The following EHBP1 variants were observed in gnomAD, a reference collection of about 807,000 sequenced individuals.
EHBP1 encodes the protein EH domain-binding protein 1.
A neutral mutation model predicts 144.0 loss-of-function variants in EHBP1; 55 were observed. The ratio of observed to expected loss-of-function variants is 0.38; its 90% CI spans 0.31 to 0.48. The LOEUF (loss-of-function observed/expected upper bound fraction) is 0.48. Ranked by LOEUF, EHBP1 falls within the 20% of genes least tolerant of loss-of-function variation. The probability of loss-of-function intolerance (pLI) is 0.98; values close to 1 mark genes in which losing one functional copy is unlikely to be tolerated. For missense variants in EHBP1, 1,200 were observed against 1,364.2 expected (o/e 0.88, Z 1.90); for synonymous variants, 469 against 472.7 (o/e 0.99, Z 0.10).
intron 14 of EHBP1, among the ~76,000 whole-genome samples, chr2:62,966,716 T>C (rs915797831): frequency 1.3e-5 from 2 of 152,210 alleles, no homozygotes; most frequent in African/African-American, 4.8e-5. Flanking sequence ...TAATAGGAAC[T>C]ATCATTTCCC....
chr2:62,790,845 T>C lies in EHBP1; in HGVS notation c.312+19453T>C. On this transcript the variant is annotated intron_variant, in intron 5 of 22. Transcript: ENST00000431489. Reference sequence around the variant, plus strand: ...ACAACCCTATTCAATTATTGTCTCTTGTGTTTTATCTTGAAAGCATTGCTT... The same window carrying C: ...ACAACCCTATTCAATTATTGTCTCTCGTGTTTTATCTTGAAAGCATTGCTT... Among the ~76,000 whole-genome samples, 2 of 152,092 alleles carry C rather than the reference T, an allele frequency of 1.3e-5. 1 individual carries two copies. The highest frequency in any genetic ancestry group is 2.9e-5 in the Non-Finnish European group (2 of 67,922).
rs1171760462 is a variant in EHBP1, at chr2:62,681,340, G to GTGTATATATATATATA, written c.-296+7258_-296+7259insGTATATATATATATAT. On this transcript the variant is annotated intron_variant, in intron 1 of 22. Coordinates refer to the EHBP1 transcript ENST00000405015. ...TATATATTTGTATGTATGTGTGTGT[G>GTGTATATATATATATA]TATATATATATATATATATAATGTG... 2.0e-3 allele frequency among the ~76,000 whole-genome samples: 116 copies of GTGTATATATATATATA among 58,546 alleles called. 3 individuals carry two copies. In the South Asian group the frequency reaches 0.02, roughly 10 times the overall value. The allele number at this position is 58,546 out of a possible 152,430, so 38.4% of individuals were successfully genotyped here. A position where few individuals can be genotyped will look rare whatever the true frequency, so the allele number is the denominator to read the frequency against.
intron 7 of EHBP1, among the ~76,000 whole-genome samples, chr2:62,850,425 G>A (rs543697286): frequency 1.3e-5 from 2 of 151,642 alleles, no homozygotes; most frequent in Non-Finnish European, 1.5e-5. Flanking sequence ...GGTCAATTTC[G>A]ATCTTCTTTT....
chr2:62,699,919 G>T (rs1414781681), intron 1 of EHBP1, among the ~76,000 whole-genome samples: 1 of 152,170 alleles, frequency 6.6e-6, no homozygotes, highest in Non-Finnish European at 1.5e-5. Flanking sequence ...GCCCATGTTG[G>T]TCTTTTCTAG....
intron 14 of EHBP1, among the ~76,000 whole-genome samples, chr2:62,959,557 A>G (rs1283779288): frequency 6.6e-6 from 1 of 152,140 alleles, no homozygotes; most frequent in Non-Finnish European, 1.5e-5. Flanking sequence ...AGTTTTTTAA[A>G]TAATAGCCAT....
chr2:62,845,631 TG>T (rs1277517474), intron 7 of EHBP1, among the ~76,000 whole-genome samples: 1 of 151,568 alleles, frequency 6.6e-6, no homozygotes, highest in Non-Finnish European at 1.5e-5. Context: ...GGTTTTTACC[TG>T]GCATCCACCC....
intron 19 of EHBP1, among the ~76,000 whole-genome samples, chr2:63,000,140 G>A (rs1308153938): frequency 6.6e-6 from 1 of 152,164 alleles, no homozygotes; most frequent in Non-Finnish European, 1.5e-5. Context: ...AGATTGCTGG[G>A]CATTTCTCCT....
intron 15 of EHBP1, among the ~76,000 whole-genome samples, chr2:62,985,149 G>C (rs1380318886): frequency 2.0e-5 from 3 of 152,092 alleles, no homozygotes; most frequent in East Asian, 1.9e-4. Context: ...TTGCCTGGGG[G>C]TTATAACAGT....
At chr2:62,796,357 G>A (rs1264893455) in intron 5 of EHBP1, among the ~76,000 whole-genome samples, 1 of 152,056 alleles carries the variant, frequency 6.6e-6, no homozygotes, top group Non-Finnish European at 1.5e-5. Context: ...CTATGGTTAA[G>A]TCAGAATTTC....
chr2:62,829,061 A>G (rs2046567538), intron 6 of EHBP1, among the ~76,000 whole-genome samples: 1 of 151,780 alleles, frequency 6.6e-6, no homozygotes, highest in South Asian at 2.1e-4. Context: ...GCAGTGAGCC[A>G]TGTTCACACT....
At chr2:62,675,612 G>A (rs369895004) in intron 1 of EHBP1, among the ~76,000 whole-genome samples, 3 of 152,164 alleles carry the variant, frequency 2.0e-5, no homozygotes, top group South Asian at 2.1e-4. Flanking sequence ...GACAAAATAA[G>A]GCCTTTCTTC....
At position 62,971,348 on chromosome 2, in the gene EHBP1, G is replaced by A. The variant is rs191255296; in HGVS notation, c.2461-7840G>A. On this transcript the variant is annotated intron_variant, in intron 14 of 22. Coordinates refer to ENST00000431489, the MANE Select transcript of EHBP1 (RefSeq NM_001142616.3). Reference sequence around the variant, plus strand: ...AGGCTTATAATTTAAGGTTGGGAACGTAAGTTTTAAGTGAATGTAAACAAA... The same window carrying A: ...AGGCTTATAATTTAAGGTTGGGAACATAAGTTTTAAGTGAATGTAAACAAA... Among the ~76,000 whole-genome samples the A allele has an allele frequency of 5.3e-5, 8 of 151,848 alleles. No individual in the cohort carries two copies. In the East Asian group the frequency reaches 7.7e-4, roughly 15 times the overall value.
intron 10 of EHBP1, among the ~76,000 whole-genome samples, chr2:62,890,550 G>A (rs2052371064): frequency 6.6e-6 from 1 of 152,072 alleles, no homozygotes. Flanking sequence ...GACTGTTTTT[G>A]GTGTGTAGGA....
intron 3 of EHBP1, among the ~76,000 whole-genome samples, chr2:62,763,872 T>C (rs1056673271): frequency 1.3e-5 from 2 of 152,150 alleles, no homozygotes; most frequent in African/African-American, 4.8e-5. Context: ...AGTATGAATT[T>C]GTCTTAAAGT....
intron 19 of EHBP1, among the ~76,000 whole-genome samples, chr2:63,031,512 A>G (rs1023531956): frequency 1.3e-5 from 2 of 152,194 alleles, no homozygotes; most frequent in Non-Finnish European, 2.9e-5. Flanking sequence ...CTTTAGTCAA[A>G]TGCTCATCTG....
chr2:63,000,160 G>A (rs773301151), intron 19 of EHBP1, among the ~76,000 whole-genome samples: 3 of 152,142 alleles, frequency 2.0e-5, no homozygotes, highest in Non-Finnish European at 4.4e-5. Context: ...TGGCATGTTG[G>A]CAGAAGGCCT....
At chr2:62,770,188 GCTT>G (rs537446123) in intron 4 of EHBP1, among the ~76,000 whole-genome samples, 354 of 152,232 alleles carry the variant, frequency 2.3e-3, no homozygotes, top group Non-Finnish European at 4.0e-3. Flanking sequence ...TTAAACAAGA[GCTT>G]CTGCACAGCA....
chr2:62,868,688 C>G (rs756626443), intron 9 of EHBP1, among the ~76,000 whole-genome samples: 2 of 152,106 alleles, frequency 1.3e-5, no homozygotes, highest in African/African-American at 2.4e-5. Flanking sequence ...TGGTTCATGC[C>G]TGTAATCTCA....
At chr2:62,987,136 A>G (rs555054873) in intron 15 of EHBP1, among the ~76,000 whole-genome samples, 1 of 152,324 alleles carries the variant, frequency 6.6e-6, no homozygotes, top group South Asian at 2.1e-4. Flanking sequence ...GCCTTTTCAA[A>G]TGTATAGAAT....
Sources: allele counts gnomAD v4.1 joint callset (sites outside exome capture counted in the v4.1 genomes callset), GRCh38; gene constraint gnomAD v4.1.1; transcripts MANE v1.5; gene names NCBI Gene and HGNC (gene_info 2026-07-23, HGNC 2026-07-21).